The following C19orf38 variants were observed in gnomAD, a reference collection of about 807,000 sequenced individuals.
C19orf38 encodes protein HIDE1.
C19orf38 carries 14 observed loss-of-function variants against 26.6 expected under a neutral mutation model. That is an observed-to-expected ratio of 0.53 (90% CI 0.35 to 0.82). The LOEUF (loss-of-function observed/expected upper bound fraction) is 0.82. Ranked by LOEUF, C19orf38 falls within the 40% of genes least tolerant of loss-of-function variation. The pLI, the probability that C19orf38 is intolerant of heterozygous loss-of-function variation, is 0.01. For synonymous variants in C19orf38, 132 were observed against 128.5 expected, an observed-to-expected ratio of 1.03 and a Z score of -0.18; for missense variants, 261 against 299.5, an observed-to-expected ratio of 0.87 and a Z score of 0.95.
intron 1 of C19orf38, among the ~76,000 whole-genome samples, chr19:10,842,730 C>T (rs560048715): frequency 1.3e-5 from 2 of 151,982 alleles, no homozygotes; most frequent in East Asian, 3.9e-4. Flanking sequence ...GAGAGAGACC[C>T]TGTCTCAAAA....
chr19:10,848,602 C>A, intron 1 of C19orf38, 63 bp downstream of exon 1: 1 of 1,371,300 alleles, frequency 7.3e-7, no homozygotes. Context: ...GTCCACCTTG[C>A]CGCTCCAGGG....
chr19:10,867,651 T>TA (rs2073765489), intron 6 of C19orf38, among the ~76,000 whole-genome samples: 1 of 125,500 alleles, frequency 8.0e-6, no homozygotes, highest in Non-Finnish European at 1.7e-5. Context: ...CTTTTTTTTT[T>TA]TTTTTTTTTT....
upstream of C19orf38, among the ~76,000 whole-genome samples, chr19:10,846,219 C>G (rs909680682): frequency 1.3e-5 from 2 of 150,932 alleles, no homozygotes; most frequent in Non-Finnish European, 3.0e-5. Flanking sequence ...TTTTTTGAGA[C>G]AGAGTCTCGC....
intron 5 of C19orf38, among the ~76,000 whole-genome samples, chr19:10,862,364 T>G (rs1281601786): frequency 1.3e-5 from 2 of 151,822 alleles, no homozygotes; most frequent in Non-Finnish European, 2.9e-5. Context: ...ACCACCACAC[T>G]CAGCTACTTT....
chr19:10,846,214 T>G (rs931306808), upstream of C19orf38, among the ~76,000 whole-genome samples: 2 of 151,716 alleles, frequency 1.3e-5, no homozygotes, highest in Non-Finnish European at 2.9e-5. Context: ...GTTTTTTTTT[T>G]GAGACAGAGT....
intron 1 of C19orf38, among the ~76,000 whole-genome samples, chr19:10,838,175 C>T (rs1483418967): frequency 6.6e-6 from 1 of 152,106 alleles, no homozygotes; most frequent in Admixed American, 6.5e-5. Context: ...CTTTTGGAGG[C>T]CAAGGCAGGC....
At chr19:10,837,490 T>A (rs1291998474) in intron 1 of C19orf38, among the ~76,000 whole-genome samples, 47 of 147,500 alleles carry the variant, frequency 3.2e-4, no homozygotes, top group South Asian at 4.3e-4. Context: ...TTTTTTTTTT[T>A]AATTTTTTTT....
intron 2 of C19orf38, among the ~76,000 whole-genome samples, chr19:10,854,562 A>G (rs1267861439): frequency 6.6e-6 from 1 of 152,170 alleles, no homozygotes; most frequent in Non-Finnish European, 1.5e-5. Flanking sequence ...AGGTGAATCA[A>G]TGAACAAGGC....
At chr19:10,866,428 A>G (rs146754009) in intron 6 of C19orf38, among the ~76,000 whole-genome samples, 1 of 137,794 alleles carries the variant, frequency 7.3e-6, no homozygotes, top group East Asian at 2.2e-4. Context: ...CTAGTCTCGA[A>G]CTCCTGACCT....
chr19:10,853,251 CAG>C (rs1269729400), intron 2 of C19orf38, among the ~76,000 whole-genome samples: 1 of 151,466 alleles, frequency 6.6e-6, no homozygotes, highest in East Asian at 1.9e-4. Context: ...TTTGTAAAGA[CAG>C]GGACTCACTC....
chr19:10,849,403 C>G (rs935464434), intron 1 of C19orf38, among the ~76,000 whole-genome samples: 1 of 152,144 alleles, frequency 6.6e-6, no homozygotes, highest in African/African-American at 2.4e-5. Context: ...AATGCCCTTC[C>G]CCAGCTCTCC....
intron 5 of C19orf38, 184 bp downstream of exon 5, chr19:10,860,142 ACCT>A: frequency 1.6e-6 from 1 of 624,370 alleles, no homozygotes; most frequent in Non-Finnish European, 2.8e-6. Context: ...CCTAAAGGTC[ACCT>A]CCTCTGGGAA....
chr19:10,841,793 T>C (rs2073479803), intron 1 of C19orf38: 1 of 1,005,404 alleles, frequency 9.9e-7, no homozygotes, highest in Non-Finnish European at 1.6e-6. Flanking sequence ...GGCAGCATAG[T>C]GAGATCCCAT....
intron 1 of C19orf38, among the ~76,000 whole-genome samples, chr19:10,838,513 C>A (rs765584388): frequency 3.3e-5 from 5 of 152,278 alleles, no homozygotes; most frequent in African/African-American, 1.2e-4. Context: ...ACATTTTCAT[C>A]GGCTCAGTAA....
chr19:10,857,366 A>ATATT (rs1433358051), intron 3 of C19orf38, among the ~76,000 whole-genome samples: 75 of 56,080 alleles, frequency 1.3e-3, no homozygotes, highest in African/African-American at 6.0e-3. Context: ...ATATATATAT[A>ATATT]TTTTTTTTTT....
intron 5 of C19orf38, 149 bp from the exon 6 acceptor site, chr19:10,863,021 C>A (rs1028818504): frequency 1.2e-5 from 9 of 747,936 alleles, no homozygotes; most frequent in Non-Finnish European, 2.1e-5. Context: ...GTTCACCGTG[C>A]AGAATGGGTT....
intron 2 of C19orf38, among the ~76,000 whole-genome samples, chr19:10,855,742 A>T (rs2073618204): frequency 6.6e-6 from 1 of 151,908 alleles, no homozygotes; most frequent in Non-Finnish European, 1.5e-5. Flanking sequence ...GTTAGCCAGG[A>T]TGGTCTCGAT....
intron 3 of C19orf38, among the ~76,000 whole-genome samples, chr19:10,857,481 T>C (rs1270330451): frequency 6.9e-6 from 1 of 145,128 alleles, no homozygotes; most frequent in Non-Finnish European, 1.5e-5. Flanking sequence ...TGGCACAATC[T>C]CGACTCAGTG....
At chr19:10,850,062 AAAAAAAG>A (rs1271587098) in intron 1 of C19orf38, among the ~76,000 whole-genome samples, 190 bp from the exon 2 acceptor site, 1 of 151,380 alleles carries the variant, frequency 6.6e-6, no homozygotes, top group Non-Finnish European at 1.5e-5. Context: ...CCGACTCACA[AAAAAAAG>A]AAAAAAGAAA....
Sources: allele counts gnomAD v4.1 joint callset (sites outside exome capture counted in the v4.1 genomes callset), GRCh38; gene constraint gnomAD v4.1.1; transcripts MANE v1.5; gene names NCBI Gene and HGNC (gene_info 2026-07-23, HGNC 2026-07-21).